Variants in ENAH observed in about 807,000 individuals in gnomAD.
ENAH encodes the protein protein enabled homolog.
Under a neutral mutation model 78.7 loss-of-function variants are expected in ENAH, and 23 were observed. The ratio of observed to expected loss-of-function variants is 0.29; its 90% confidence interval spans 0.21 to 0.41. The LOEUF is 0.41. Among genes scored for constraint, ENAH ranks in the 10% least tolerant of loss-of-function variants. The pLI is 1.00. For missense variants in ENAH, 544 were observed against 691.0 expected, an observed-to-expected ratio of 0.79 and a Z score of 2.39; for synonymous variants, 226 against 241.0, an observed-to-expected ratio of 0.94 and a Z score of 0.58.
intron 1 of ENAH, among the ~76,000 whole-genome samples, chr1:225,651,524 C>T (rs1663006626): frequency 1.3e-5 from 2 of 152,164 alleles, no homozygotes; most frequent in Non-Finnish European, 2.9e-5. Context: ...CATTGTATTA[C>T]ATTATAAAGG....
intron 1 of ENAH, among the ~76,000 whole-genome samples, chr1:225,641,778 TGGGAG>T (rs1284964177): frequency 1.3e-5 from 2 of 152,074 alleles, no homozygotes; most frequent in African/African-American, 4.8e-5. Flanking sequence ...CCCAGCACTT[TGGGAG>T]GCCGAGGCAG....
In ENAH at chr1:225,583,162, C is replaced by T. The variant is rs775840817; in HGVS notation, c.6-15748G>A. 4.7e-4 allele frequency among the ~76,000 whole-genome samples: 71 copies of T among 152,180 alleles called. 1 individual carries two copies. The highest frequency in any genetic ancestry group is 1.4e-3 in the African/African-American group (57 of 41,528). On this transcript the variant is annotated intron_variant, in intron 1 of 13. Coordinates refer to ENST00000366843, the MANE Select transcript of ENAH (RefSeq NM_018212.6). ...ATATTTTAAGAAAAAAGAGGCCAGG[C>T]GAGGTGGCTCACACCTGTAATCTCA...
At chr1:225,618,828 A>T (rs944160322) in intron 1 of ENAH, among the ~76,000 whole-genome samples, 1 of 152,198 alleles carries the variant, frequency 6.6e-6, no homozygotes, top group Non-Finnish European at 1.5e-5. Flanking sequence ...ATTCTACTCT[A>T]TACTAAATTA....
rs1393075254 is a variant in ENAH, at chr1:225,491,522, C to T, written c.*6253G>A. The stretch of plus-strand genomic sequence containing the variant: ...AAAGAAAAAAAGAAAAGAGGTTTCA[C>T]AGATGTGACTAAAGCATGGACTGTT... On this transcript the variant is annotated 3_prime_UTR_variant, in exon 14 of 14. Coordinates refer to ENST00000366843, the MANE Select transcript of ENAH (RefSeq NM_018212.6). The T allele has an allele frequency of 1.3e-5, 2 of 151,838 alleles. No individual in the cohort carries two copies. The highest frequency in any genetic ancestry group is 2.9e-5 in the Non-Finnish European group (2 of 67,934). 9.4% of individuals were successfully genotyped at this position (151,838 alleles called of 1,614,324 possible).
At position 225,501,010 on chromosome 1, in the gene ENAH, G is replaced by A. The variant is rs777038736; in HGVS notation, c.1599C>T (p.Asp533=). Residue 533 remains aspartate (D), a synonymous_variant, in exon 12 of 14, where the codon GAC becomes GAT. Coordinates refer to ENST00000366843, the MANE Select transcript of ENAH (RefSeq NM_018212.6). ...CACCCACCTGCTTCAGCCTGTCATA[G>A]TCAAGTCCTTCCGTCTGGACTCCAT... is the stretch of plus-strand genomic sequence containing the variant. ...SANGVQTEGL[D]YDRLKQDILD... is the part of the protein sequence containing the mutation. 1 of 1,614,166 alleles carries A rather than the reference G, an allele frequency of 6.2e-7. No homozygotes were observed. The highest frequency in any genetic ancestry group is 2.2e-5 in the East Asian group (1 of 44,888).
At chr1:225,606,833 ACT>A (rs1189207159) in intron 1 of ENAH, among the ~76,000 whole-genome samples, 2 of 128,108 alleles carry the variant, frequency 1.6e-5, no homozygotes, top group Non-Finnish European at 3.1e-5. Flanking sequence ...ACAGTGCAAG[ACT>A]CTGTCTCAAA....
chr1:225,497,730 AT>A lies in ENAH; in HGVS notation c.*44del. 2 of 1,590,212 alleles carry A rather than the reference AT, an allele frequency of 1.3e-6. No homozygotes were observed. The highest frequency in any genetic ancestry group is 1.1e-5 in the South Asian group (1 of 89,332). The stretch of plus-strand genomic sequence containing the variant: ...TGTGAACAGTTGTTGTTTGTAGGAT[AT>A]TTTTCCTCCAGATTAAAGTCCTATC... On this transcript the variant is annotated 3_prime_UTR_variant, in exon 14 of 14. Coordinates refer to ENST00000366843, the MANE Select transcript of ENAH (RefSeq NM_018212.6).
At chr1:225,571,672 G>A (rs541547825) in intron 1 of ENAH, among the ~76,000 whole-genome samples, 20 of 152,230 alleles carry the variant, frequency 1.3e-4, no homozygotes, top group African/African-American at 4.6e-4. Context: ...ACTGCCCCCC[G>A]CCAACAACTG....
In ENAH at chr1:225,558,759, G is replaced by T. The variant is rs372526574; in HGVS notation, c.172-3676C>A. The stretch of plus-strand genomic sequence containing the variant: ...CGCCATTCTCCTGCCTCAGCCTCCC[G>T]AGTAGCTGGGACTACAGGCGCCCGC... On this transcript the variant is annotated intron_variant, in intron 2 of 13. Transcript: ENST00000366843. Among the ~76,000 whole-genome samples, 3 of 142,520 alleles carry T rather than the reference G, an allele frequency of 2.1e-5. No homozygotes were observed. In the South Asian group the frequency reaches 7.0e-4, roughly 33 times the overall value. The allele number at this position is 142,520 out of a possible 152,430, so 93.5% of individuals were successfully genotyped here.
intron 1 of ENAH, among the ~76,000 whole-genome samples, chr1:225,596,783 C>T (rs1244349703): frequency 6.6e-6 from 1 of 152,206 alleles, no homozygotes; most frequent in Non-Finnish European, 1.5e-5. Context: ...TCAGGCAACA[C>T]AGGTACAACT....
intron 3 of ENAH, among the ~76,000 whole-genome samples, chr1:225,540,814 T>C (rs2096585292): frequency 6.6e-6 from 1 of 151,890 alleles, no homozygotes; most frequent in African/African-American, 2.4e-5. Flanking sequence ...ACTCACACAA[T>C]TAAAATAAGA....
intron 13 of ENAH, 130 bp from the exon 14 acceptor site, chr1:225,497,942 T>C: frequency 1.5e-6 from 1 of 679,732 alleles, no homozygotes; most frequent in South Asian, 1.9e-5. Flanking sequence ...TTTGCATCTT[T>C]CATTGCACAC....
chr1:225,517,037 A>C (rs1054899849), intron 6 of ENAH, among the ~76,000 whole-genome samples, 159 bp downstream of exon 6: 1 of 151,742 alleles, frequency 6.6e-6, no homozygotes. Flanking sequence ...ACATTTTTCT[A>C]CTTTAATTTT....
At chr1:225,552,134 C>CTTTTTTTTTTTTTTTTTTT (rs397983036) in intron 3 of ENAH, among the ~76,000 whole-genome samples, 2 of 115,966 alleles carry the variant, frequency 1.7e-5, no homozygotes, top group Non-Finnish European at 1.7e-5. Flanking sequence ...ACTCCTGATT[C>CTTTTTTTTTTTTTTTTTTT]TTTTTTTTTT....
At chr1:225,600,334 C>G (rs1454221750) in intron 1 of ENAH, among the ~76,000 whole-genome samples, 1 of 152,006 alleles carries the variant, frequency 6.6e-6, no homozygotes, top group East Asian at 1.9e-4. Context: ...TGCCATTGCA[C>G]TCCAGCCTGG....
intron 2 of ENAH, 29 bp from the exon 3 acceptor site, chr1:225,555,112 A>G: frequency 6.7e-7 from 1 of 1,489,958 alleles, no homozygotes; most frequent in Non-Finnish European, 9.1e-7. Flanking sequence ...TTATAAAGTC[A>G]AACCAATAAT....
chr1:225,586,003 C>T (rs530731604), intron 1 of ENAH, among the ~76,000 whole-genome samples: 15 of 152,132 alleles, frequency 9.9e-5, no homozygotes, highest in African/African-American at 2.9e-4. Context: ...TGTTTGAGCC[C>T]AGGAGCTTGA....
Position 225,514,742 on chromosome 1 carries a change from T to C in ENAH, c.1072A>G (p.Asn358Asp), listed in dbSNP as rs759054574. Reference protein sequence around the residue: ...PPPPPPPPLPNQVPPPPPPPP... With the variant: ...PPPPPPPPLPDQVPPPPPPPP... ...GGTGGAGGAGGAGGGGGTACTTGAT[T>C]AGGGAGAGGAGGGGGAGGAGGGGGC... The change falls in exon 7 of 14, where the codon AAT becomes GAT. Residue 358 changes from asparagine to aspartate, a missense_variant. Asn to Asp is a conservative substitution (Grantham distance 23). This residue lies in a region of ENAH where 366 missense variants were observed against 396.1 expected (regional missense o/e 0.92). Coordinates refer to ENST00000366843, the MANE Select transcript of ENAH (RefSeq NM_018212.6). 2.3e-6 allele frequency: 2 copies of C among 868,646 alleles called. No homozygotes were observed. Among genetic ancestry groups the C allele is most frequent in the South Asian group, 1.5e-5 (1 of 65,124 alleles). 53.8% of individuals were successfully genotyped at this position (868,646 alleles called of 1,614,324 possible).
rs1164137967 is a variant in ENAH at position 225,488,082 on chromosome 1, T to C, written c.*9693A>G. On this transcript the variant is annotated 3_prime_UTR_variant, in exon 14 of 14. Transcript: ENST00000366843. ...AAACACCACCAAAGCTTTCCGCCAT[T>C]CATGCACATGCTTATTCTGACCCCA... is the stretch of plus-strand genomic sequence containing the variant. 6.6e-6 allele frequency: 1 copy of C among 152,230 alleles called. No homozygotes were observed. The highest frequency in any genetic ancestry group is 6.5e-5 in the Admixed American group (1 of 15,274). The allele number at this position is 152,230 out of a possible 1,614,324, so 9.4% of individuals were successfully genotyped here.
Sources: allele counts gnomAD v4.1 joint callset (sites outside exome capture counted in the v4.1 genomes callset), GRCh38; gene constraint gnomAD v4.1.1; regional missense constraint gnomAD v4.1.1; transcripts MANE v1.5; gene names NCBI Gene and HGNC (gene_info 2026-07-23, HGNC 2026-07-21).